The following MYOM3 variants were observed in gnomAD, a reference collection of about 807,000 sequenced individuals.
The protein encoded by MYOM3 is myomesin 3.
MYOM3 carries 155 observed loss-of-function variants against 191.7 expected under a neutral mutation model. The observed-to-expected ratio is 0.81, with a 90% CI of 0.71 to 0.92. The LOEUF (loss-of-function observed/expected upper bound fraction) is 0.92. Ranked by LOEUF, MYOM3 falls within the 40% of genes least tolerant of loss-of-function variation. The pLI is 0.00. For missense variants in MYOM3, 1,889 were observed against 1,890.6 expected (o/e 1.00, Z 0.02); for synonymous variants, 757 against 762.9 (o/e 0.99, Z 0.13).
In MYOM3 at chr1:24,076,157, A is replaced by G; in HGVS notation, c.2701+2T>C. The G allele has an allele frequency of 1.2e-6, 2 of 1,612,588 alleles. No homozygotes were observed. The highest frequency in any genetic ancestry group is 2.2e-5 in the South Asian group (2 of 91,030). On this transcript the variant is annotated splice_donor_variant, in intron 21 of 36. Coordinates refer to ENST00000374434, the MANE Select transcript of MYOM3 (RefSeq NM_152372.4). LOFTEE classifies it high-confidence loss of function. ...AGCTCTGGCCTCTCCGGCCACCCCT[A>G]CCTGGCTTGTCCTCCAGGAGCACGG...
At chr1:24,108,429 G>A (rs1334063379) in intron 2 of MYOM3, 47 bp downstream of exon 2, 1 of 1,470,068 alleles carries the variant, frequency 6.8e-7, no homozygotes, top group Non-Finnish European at 9.0e-7. Flanking sequence ...CAGACTGGGG[G>A]CCCTGGGAAC....
intron 15 of MYOM3, 93 bp from the exon 16 acceptor site, chr1:24,084,732 G>A: frequency 8.6e-7 from 1 of 1,168,504 alleles, no homozygotes; most frequent in Non-Finnish European, 1.2e-6. Flanking sequence ...AGGCCAGAAG[G>A]AGCTCCCACA....
chr1:24,077,281 C>G (rs1043279789), intron 20 of MYOM3, among the ~76,000 whole-genome samples: 3 of 152,192 alleles, frequency 2.0e-5, no homozygotes, highest in African/African-American at 7.2e-5. Context: ...CTCTGCCAAT[C>G]TGATGATGTG....
Position 24,057,288 on chromosome 1 carries a change from C to T in MYOM3, c.*76G>A. The T allele has an allele frequency of 2.7e-6, 4 of 1,494,496 alleles. No individual in the cohort carries two copies. The Admixed American group carries it at 5.4e-5, about 20-fold the overall frequency. 92.6% of individuals were successfully genotyped at this position (1,494,496 alleles called of 1,614,324 possible). ...TCTGCCCCACCCCTGTAGCCTGTGCCAGGCTGTGACCCTGGTACAGGTTGT... is the reference window on the plus strand; with the variant it reads ...TCTGCCCCACCCCTGTAGCCTGTGCTAGGCTGTGACCCTGGTACAGGTTGT... On this transcript the variant is annotated 3_prime_UTR_variant, in exon 37 of 37. Coordinates refer to ENST00000374434, the MANE Select transcript of MYOM3 (RefSeq NM_152372.4).
intron 24 of MYOM3, 144 bp from the exon 25 acceptor site, chr1:24,071,397 A>G: frequency 1.0e-6 from 1 of 965,272 alleles, no homozygotes; most frequent in Admixed American, 3.1e-5. Flanking sequence ...GGTGGGGCTC[A>G]GAGGAGGGTT....
chr1:24,091,156 G>A (rs1643818839), intron 11 of MYOM3, among the ~76,000 whole-genome samples, 160 bp from the exon 12 acceptor site: 1 of 152,122 alleles, frequency 6.6e-6, no homozygotes, highest in Admixed American at 6.5e-5. Context: ...TCCAACCTCG[G>A]GCCCCCGGGA....
In MYOM3 at chr1:24,074,239, G is replaced by C; in HGVS notation, c.2889C>G (p.Leu963=). Residue 963 remains leucine, a synonymous_variant, in exon 23 of 37, where the codon CTC becomes CTG. Coordinates refer to ENST00000374434, the MANE Select transcript of MYOM3 (RefSeq NM_152372.4). ...TGACTGAGTAGGTGCCCAAATCCTC[G>C]AGGCCGGGTTCTTTCAGGATGACCT... ...KSKVILKEPG[L]EDLGTYSVIV... 6.2e-7 allele frequency: 1 copy of C among 1,614,064 alleles called. No individual in the cohort carries two copies. The highest frequency in any genetic ancestry group is 8.5e-7 in the Non-Finnish European group (1 of 1,179,978).
At position 24,112,091 on chromosome 1, in the gene MYOM3, T is replaced by C. The variant is rs1644042092; in HGVS notation, c.-79A>G. 1 of 152,236 alleles carries C rather than the reference T, an allele frequency of 6.6e-6. No individual in the cohort carries two copies. Among genetic ancestry groups the C allele is most frequent in the East Asian group, 1.9e-4 (1 of 5,190 alleles). The allele number at this position is 152,236 out of a possible 1,614,324, so 9.4% of individuals were successfully genotyped here. ...AAGATTCCTGAGGCCGAGAGGGTCC[T>C]TGTTCTCTTCTTGCCCTCGGCTCAG... is the stretch of plus-strand genomic sequence containing the variant. On this transcript the variant is annotated 5_prime_UTR_variant, in exon 1 of 37. Transcript: ENST00000374434.
chr1:24,058,165 C>T (rs925388010), intron 36 of MYOM3, among the ~76,000 whole-genome samples: 19 of 152,156 alleles, frequency 1.2e-4, no homozygotes, highest in Admixed American at 3.9e-4. Context: ...TAATTACTCT[C>T]GCAATTATCG....
At position 24,076,168 on chromosome 1, in the gene MYOM3, C is replaced by T. The variant is rs370557202; in HGVS notation, c.2692G>A (p.Asp898Asn). 2 of 1,613,748 alleles carry T rather than the reference C, an allele frequency of 1.2e-6. No individual in the cohort carries two copies. The highest frequency in any genetic ancestry group is 1.3e-5 in the African/African-American group (1 of 74,938). Residue 898 changes from aspartate to asparagine, a missense_variant, in exon 21 of 37, where the codon GAC (aspartate) becomes AAC (asparagine). Asp to Asn is a conservative substitution (Grantham distance 23). Coordinates refer to ENST00000374434, the MANE Select transcript of MYOM3 (RefSeq NM_152372.4). ...CTCCGGCCACCCCTACCTGGCTTGTCCTCCAGGAGCACGGGATCAGTGGGC... is the reference window on the plus strand; with the variant it reads ...CTCCGGCCACCCCTACCTGGCTTGTTCTCCAGGAGCACGGGATCAGTGGGC... Reference protein sequence around the residue: ...SMPTDPVLLEDKPGAHEIEVG... With the variant: ...SMPTDPVLLENKPGAHEIEVG...
Position 24,066,273 on chromosome 1 carries a change from C to T in MYOM3, c.3424-272G>A, listed in dbSNP as rs968163277. On this transcript the variant is annotated intron_variant, in intron 28 of 36. Transcript: ENST00000374434. The stretch of plus-strand genomic sequence containing the variant: ...TTTTGAAGCATCCCATAGTCACCCC[C>T]TCCATCACGATTCATCAATGTCCTG... 5.6e-6 allele frequency: 4 copies of T among 714,674 alleles called. No individual in the cohort carries two copies. In the African/African-American group the frequency reaches 7.0e-5, roughly 13 times the overall value. The allele number at this position is 714,674 out of a possible 1,614,324, so 44.3% of individuals were successfully genotyped here. A position where few individuals can be genotyped will look rare whatever the true frequency, so the allele number is the denominator to read the frequency against.
chr1:24,101,743 C>A (rs547820879), intron 5 of MYOM3, among the ~76,000 whole-genome samples: 2 of 152,210 alleles, frequency 1.3e-5, no homozygotes, highest in South Asian at 4.1e-4. Flanking sequence ...TAGAGCAAGA[C>A]CCTGTCTCAA....
In MYOM3 at chr1:24,111,219, G is replaced by C. The variant is rs369059991; in HGVS notation, c.-19+812C>G. ...AAACTGCCCCCGCTTCCCTCTCTTG[G>C]GGTGCAAAAATCTGGGCCAGAGGTC... On this transcript the variant is annotated intron_variant, in intron 1 of 36. Transcript: ENST00000374434. The surrounding 1 kb of genome is among the most constrained non-coding windows in gnomAD (Gnocchi z 4.7). Among the ~76,000 whole-genome samples, 1 of 152,208 alleles carries C rather than the reference G, an allele frequency of 6.6e-6. No homozygotes were observed. The highest frequency in any genetic ancestry group is 1.5e-5 in the Non-Finnish European group (1 of 68,036).
chr1:24,059,025 G>A (rs372228629), intron 35 of MYOM3, 46 bp from the exon 36 acceptor site: 426 of 1,434,302 alleles, frequency 3.0e-4, no homozygotes, highest in Non-Finnish European at 4.0e-4. Flanking sequence ...TTTTCTGCCA[G>A]CCGCTTCCCA....
chr1:24,093,248 G>A (rs1382798393), intron 9 of MYOM3, 140 bp from the exon 10 acceptor site: 2 of 631,200 alleles, frequency 3.2e-6, no homozygotes, highest in East Asian at 2.7e-5. Flanking sequence ...TTGGGTGGGG[G>A]TGGTGGCCTC....
Position 24,111,457 on chromosome 1 carries a change from G to A in MYOM3, c.-19+574C>T, listed in dbSNP as rs759526694. Among the ~76,000 whole-genome samples the A allele has an allele frequency of 6.6e-6, 1 of 152,234 alleles. No homozygotes were observed. The highest frequency in any genetic ancestry group is 2.4e-5 in the African/African-American group (1 of 41,460). ...AGGCTGGGACGTGTTCTTAGCCAGT[G>A]GCTCCACCAGCTTCCGCGAGGCCGA... On this transcript the variant is annotated intron_variant, in intron 1 of 36. Transcript: ENST00000374434. The surrounding 1 kb of genome is among the most constrained non-coding windows in gnomAD (Gnocchi z 4.7).
In MYOM3 at chr1:24,107,079, C is replaced by T; in HGVS notation, c.396G>A (p.Arg132=). The stretch of plus-strand genomic sequence containing the variant: ...CCACGGCCCACCCCCTTACCCGCCG[C>T]CTCAGCGTCTTCCAGTCCCGCCTCT... ...LRQRRDWKTL[R]RRTEEKVQEA... is the part of the protein sequence containing the mutation. Residue 132 remains arginine, a synonymous_variant, in exon 4 of 37, where the codon AGG becomes AGA. Coordinates refer to ENST00000374434, the MANE Select transcript of MYOM3 (RefSeq NM_152372.4). 1.2e-6 allele frequency: 2 copies of T among 1,608,064 alleles called. No individual in the cohort carries two copies. The highest frequency in any genetic ancestry group is 1.7e-6 in the Non-Finnish European group (2 of 1,177,542).
chr1:24,059,273 T>C (rs1315682938), intron 35 of MYOM3, among the ~76,000 whole-genome samples: 1 of 152,172 alleles, frequency 6.6e-6, no homozygotes, highest in South Asian at 2.1e-4. Flanking sequence ...CAGCTGGGAC[T>C]ATAGGCATGC....
At position 24,075,399 on chromosome 1, in the gene MYOM3, G is replaced by A. The variant is rs1643584027; in HGVS notation, c.2778C>T (p.Asp926=). 1.9e-6 allele frequency: 3 copies of A among 1,612,466 alleles called. No homozygotes were observed. The highest frequency in any genetic ancestry group is 2.5e-6 in the Non-Finnish European group (3 of 1,179,548). Residue 926 remains aspartate, a synonymous_variant, in exon 22 of 37, where the codon GAC becomes GAT. Transcript: ENST00000374434. ...CTTTGGACCACTGAAACTCTGAGGA[G>A]TCGGGGGCTTCAGGGGCTTCAAAAG... is the stretch of plus-strand genomic sequence containing the variant. ...YLAFEAPEAP[D]SSEFQWSKDY... is the part of the protein sequence containing the mutation.
Sources: gnomAD v4.1 joint callset for allele counts (sites outside exome capture counted in the v4.1 genomes callset) on GRCh38, gnomAD v4.1.1 for gene constraint, Gnocchi (gnomAD v3.1) non-coding constraint, MANE v1.5 for transcripts, NCBI Gene and HGNC (gene_info 2026-07-23, HGNC 2026-07-21) for gene names.